The following VPS37A variants were observed in gnomAD, a reference collection of about 807,000 sequenced individuals.
The protein encoded by VPS37A is VPS37A subunit of ESCRT-I, also known as vacuolar protein sorting-associated protein 37A.
VPS37A carries 30 observed loss-of-function variants against 49.8 expected under a neutral mutation model. The ratio of observed to expected loss-of-function variants is 0.60; its 90% CI spans 0.45 to 0.82. The LOEUF (loss-of-function observed/expected upper bound fraction) is 0.82, where lower values mean the gene tolerates loss of function less well. Ranked by LOEUF, VPS37A falls within the 40% of genes least tolerant of loss-of-function variation. VPS37A has a pLI of 0.00. For synonymous variants in VPS37A, 195 were observed against 160.6 expected, an observed-to-expected ratio of 1.21 and a Z score of -1.62; for missense variants, 593 against 464.4, an observed-to-expected ratio of 1.28 and a Z score of -2.55.
At chr8:17,265,538 A>AAT (rs1333369099) in intron 1 of VPS37A, among the ~76,000 whole-genome samples, 1 of 152,228 alleles carries the variant, frequency 6.6e-6, no homozygotes, top group Non-Finnish European at 1.5e-5. Flanking sequence ...GATATTGCTT[A>AAT]ATAGTGGCAG....
intron 1 of VPS37A, among the ~76,000 whole-genome samples, chr8:17,251,040 T>G (rs1395175324): frequency 2.0e-5 from 3 of 152,180 alleles, no homozygotes; most frequent in African/African-American, 7.2e-5. Flanking sequence ...TTATACTTCC[T>G]GAGGAAGCTG....
At chr8:17,261,539 C>T (rs1333432748) in intron 1 of VPS37A, among the ~76,000 whole-genome samples, 2 of 152,186 alleles carry the variant, frequency 1.3e-5, no homozygotes, top group Non-Finnish European at 2.9e-5. Context: ...GGATGTGCGT[C>T]TATGTCTTTA....
chr8:17,297,161 A>C lies in VPS37A; in HGVS notation c.*2175A>C, dbSNP rs1447212711. 23 of 152,246 alleles carry C rather than the reference A, an allele frequency of 1.5e-4. No individual in the cohort carries two copies. 9.4% of individuals were successfully genotyped at this position (152,246 alleles called of 1,614,324 possible). On this transcript the variant is annotated 3_prime_UTR_variant, in exon 12 of 12. Transcript: ENST00000324849. ...GTATTCTGATTTTACAAGATGAGAT[A>C]GAAATCAGAATTAAAGAGGAATACT...
At chr8:17,311,697 C>A in the VPS37A span, 1 of 1,609,052 alleles carries the variant, frequency 6.2e-7, no homozygotes, top group Non-Finnish European at 8.5e-7. Context: ...CAGAACCTCT[C>A]ATCACAGCCA....
At chr8:17,326,576 G>T in the VPS37A span, 1 of 152,152 alleles carries the variant, frequency 6.6e-6, no homozygotes, top group East Asian at 1.9e-4. Flanking sequence ...TGGAAAGGAT[G>T]TTTTTAAAAG....
At chr8:17,287,094 G>C (rs1054105440) in intron 11 of VPS37A, among the ~76,000 whole-genome samples, 4 of 152,032 alleles carry the variant, frequency 2.6e-5, no homozygotes, top group African/African-American at 9.7e-5. Flanking sequence ...TTCTACCACG[G>C]TATCTTTGGC....
intron 4 of VPS37A, among the ~76,000 whole-genome samples, chr8:17,270,148 C>G (rs1563259635): frequency 6.6e-6 from 1 of 152,068 alleles, no homozygotes; most frequent in Non-Finnish European, 1.5e-5. Context: ...GAGAAATACA[C>G]CCCCATGATC....
chr8:17,314,178 T>C, the VPS37A span, among the ~76,000 whole-genome samples: 1 of 152,192 alleles, frequency 6.6e-6, no homozygotes, highest in African/African-American at 2.4e-5. Context: ...TCTGAGTACA[T>C]ATCACAAATA....
At chr8:17,270,542 T>A (rs566074998) in intron 4 of VPS37A, among the ~76,000 whole-genome samples, 20 of 152,240 alleles carry the variant, frequency 1.3e-4, no homozygotes, top group African/African-American at 4.8e-4. Context: ...TGTATTATCT[T>A]TTTTGGTTTA....
chr8:17,299,977 T>A, downstream of VPS37A: 1 of 1,614,152 alleles, frequency 6.2e-7, no homozygotes, highest in South Asian at 1.1e-5. Flanking sequence ...CCCGGACTCT[T>A]GGTCACTGTT....
chr8:17,262,928 G>A (rs1813092041), intron 1 of VPS37A, among the ~76,000 whole-genome samples: 1 of 151,898 alleles, frequency 6.6e-6, no homozygotes, highest in Non-Finnish European at 1.5e-5. Context: ...GGGTGTGGTG[G>A]TGTGCACCTG....
Position 17,286,433 on chromosome 8 carries a change from T to C in VPS37A, c.*6T>C. On this transcript the variant is annotated splice_donor_region_variant and intron_variant, in intron 11 of 11. Transcript: ENST00000324849. Reference sequence around the variant, plus strand: ...AATTTCATGCTCCACTATAGGTAAATTGTATTTCAAGTTTGAGTCTCAAGG... The same window carrying C: ...AATTTCATGCTCCACTATAGGTAAACTGTATTTCAAGTTTGAGTCTCAAGG... 2 of 1,611,954 alleles carry C rather than the reference T, an allele frequency of 1.2e-6. No homozygotes were observed. Among genetic ancestry groups the C allele is most frequent in the African/African-American group, 1.3e-5 (1 of 74,982 alleles).
rs1811319680 is a variant in VPS37A at position 17,247,278 on chromosome 8, T to G, written c.34T>G (p.Ser12Ala). Residue 12 changes from serine to alanine, a missense_variant, in exon 1 of 12, where the codon TCC becomes GCC. Coordinates refer to ENST00000324849, the MANE Select transcript of VPS37A (RefSeq NM_152415.3). Reference protein sequence around the residue: ...SWLFPLTKSASSSAAGSPGGL... With the variant: ...SWLFPLTKSAASSAAGSPGGL... Reference sequence around the variant, plus strand: ...GCTTTTTCCCCTGACCAAGAGCGCCTCCTCCTCCGCGGCTGGGTCCCCCGG... The same window carrying G: ...GCTTTTTCCCCTGACCAAGAGCGCCGCCTCCTCCGCGGCTGGGTCCCCCGG... The G allele has an allele frequency of 1.9e-6, 3 of 1,567,766 alleles. No homozygotes were observed. The highest frequency in any genetic ancestry group is 2.3e-5 in the South Asian group (2 of 85,238).
chr8:17,302,455 G>C (rs1586131298), downstream of VPS37A: 3 of 622,768 alleles, frequency 4.8e-6, no homozygotes, highest in East Asian at 3.0e-5. Context: ...TTTTTTTCTT[G>C]GGTCAGTAAA....
the VPS37A span, among the ~76,000 whole-genome samples, chr8:17,329,684 T>C: frequency 6.6e-6 from 1 of 152,240 alleles, no homozygotes; most frequent in Non-Finnish European, 1.5e-5. Flanking sequence ...ATGAACAGTC[T>C]TCAGACTAAA....
rs1811832838 is a variant in VPS37A, at chr8:17,250,091, T to C, written c.125+2722T>C. Among the ~76,000 whole-genome samples the C allele has an allele frequency of 1.3e-5, 2 of 152,256 alleles. 1 individual carries two copies. Among genetic ancestry groups the C allele is most frequent in the East Asian group, 3.9e-4 (2 of 5,184 alleles). The stretch of plus-strand genomic sequence containing the variant: ...TCAGGGCGGAAGGGAAAGTGACCTT[T>C]CTAGATTTTTTGTAGGGAAGAAGGG... On this transcript the variant is annotated intron_variant, in intron 1 of 11. Coordinates refer to ENST00000324849, the MANE Select transcript of VPS37A (RefSeq NM_152415.3).
At chr8:17,275,865 T>G (rs1814464563) in intron 5 of VPS37A, among the ~76,000 whole-genome samples, 1 of 152,172 alleles carries the variant, frequency 6.6e-6, no homozygotes, top group Admixed American at 6.5e-5. Flanking sequence ...AACCTTTCAT[T>G]TATTGTGTTA....
intron 4 of VPS37A, chr8:17,271,926 C>T: frequency 2.2e-6 from 1 of 450,272 alleles, no homozygotes; most frequent in Non-Finnish European, 4.4e-6. Flanking sequence ...ATTTTCAAAT[C>T]CAGGAAATCT....
rs1188093224 is a variant in VPS37A at position 17,247,160 on chromosome 8, CTG to C, written c.-83_-82del. The C allele has an allele frequency of 6.5e-7, 1 of 1,538,656 alleles. No individual in the cohort carries two copies. Among genetic ancestry groups the C allele is most frequent in the East Asian group, 2.4e-5 (1 of 40,870 alleles). ...GCCACGGACGTCCCACCCCGCTCCT[CTG>C]TCGCTGGAGAACCGCCGGGCCGAGC... On this transcript the variant is annotated 5_prime_UTR_variant, in exon 1 of 12. Coordinates refer to ENST00000324849, the MANE Select transcript of VPS37A (RefSeq NM_152415.3).
Sources: allele counts gnomAD v4.1 joint callset (sites outside exome capture counted in the v4.1 genomes callset), GRCh38; gene constraint gnomAD v4.1.1; transcripts MANE v1.5; gene names NCBI Gene and HGNC (gene_info 2026-07-23, HGNC 2026-07-21).